Variants in UCHL3 observed in about 807,000 individuals in gnomAD.
The protein encoded by UCHL3 is ubiquitin carboxyl-terminal hydrolase isozyme L3.
Under a neutral mutation model 35.8 loss-of-function variants are expected in UCHL3, and 22 were observed. The ratio of observed to expected loss-of-function variants is 0.61; its 90% CI spans 0.44 to 0.88. The LOEUF (loss-of-function observed/expected upper bound fraction) is 0.88. UCHL3 is among the 40% of genes least tolerant of loss of function. UCHL3 has a pLI of 0.00. For missense variants in UCHL3, 229 were observed against 276.9 expected (o/e 0.83, Z 1.23); for synonymous variants, 90 against 92.8 (o/e 0.97, Z 0.17).
At chr13:75,560,905 G>T in intron 3 of UCHL3, 24 bp downstream of exon 3, 1 of 1,487,792 alleles carries the variant, frequency 6.7e-7, no homozygotes, top group East Asian at 2.6e-5. Context: ...AAAATAGAAA[G>T]TTTCTGGTAA....
intron 3 of UCHL3, among the ~76,000 whole-genome samples, chr13:75,561,961 A>T (rs11840829): frequency 6.6e-6 from 1 of 151,974 alleles, no homozygotes; most frequent in African/African-American, 2.4e-5. Context: ...ATAGATTTTG[A>T]GGCTATATCC....
At chr13:75,558,331 T>C (rs1242593705) in intron 2 of UCHL3, among the ~76,000 whole-genome samples, 4 of 152,208 alleles carry the variant, frequency 2.6e-5, no homozygotes, top group Non-Finnish European at 5.9e-5. Context: ...TTTGTACTTG[T>C]TAGCTTTGGC....
intron 6 of UCHL3, among the ~76,000 whole-genome samples, chr13:75,585,701 A>C (rs1310374997): frequency 6.6e-6 from 1 of 152,144 alleles, no homozygotes; most frequent in African/African-American, 2.4e-5. Flanking sequence ...CTATAAATTT[A>C]TAGCACATAT....
intron 6 of UCHL3, among the ~76,000 whole-genome samples, chr13:75,593,397 T>C (rs756799062): frequency 3.9e-5 from 6 of 152,208 alleles, no homozygotes; most frequent in Non-Finnish European, 5.9e-5. Flanking sequence ...TATCACTGTC[T>C]TCACATATTT....
intron 7 of UCHL3, 114 bp from the exon 8 acceptor site, chr13:75,604,655 T>G: frequency 1.5e-6 from 1 of 671,312 alleles, no homozygotes. Context: ...GATATATTAT[T>G]GAAAATGGCT....
At position 75,549,870 on chromosome 13, in the gene UCHL3, C is replaced by T. The variant is rs1593966327; in HGVS notation, c.42+8C>T. ...CTGGAGGCCAATCCCGAGGTGGGCG[C>T]GCTTCGGGGCAGCCCTGGGCCGTGG... is the stretch of plus-strand genomic sequence containing the variant. On this transcript the variant is annotated splice_region_variant and intron_variant, in intron 1 of 8. Transcript: ENST00000377595. The T allele has an allele frequency of 6.2e-7, 1 of 1,609,746 alleles. No individual in the cohort carries two copies. Among genetic ancestry groups the T allele is most frequent in the African/African-American group, 1.3e-5 (1 of 74,920 alleles).
intron 6 of UCHL3, among the ~76,000 whole-genome samples, chr13:75,593,377 G>A (rs980518603): frequency 6.6e-6 from 1 of 152,162 alleles, no homozygotes; most frequent in Non-Finnish European, 1.5e-5. Context: ...AGGAAAGTAA[G>A]GGAACTCATT....
At chr13:75,582,329 G>C (rs1304783623) in intron 6 of UCHL3, among the ~76,000 whole-genome samples, 1 of 152,110 alleles carries the variant, frequency 6.6e-6, no homozygotes, top group Non-Finnish European at 1.5e-5. Flanking sequence ...AAATTCCTCA[G>C]GTTTCTGAAA....
At chr13:75,598,980 T>C (rs183612785) in intron 7 of UCHL3, among the ~76,000 whole-genome samples, 20 of 152,314 alleles carry the variant, frequency 1.3e-4, no homozygotes, top group African/African-American at 4.8e-4. Context: ...TTATAATCCA[T>C]GATATCATGT....
At chr13:75,591,653 T>C (rs536312472) in intron 6 of UCHL3, among the ~76,000 whole-genome samples, 1 of 152,274 alleles carries the variant, frequency 6.6e-6, no homozygotes, top group East Asian at 1.9e-4. Flanking sequence ...GTAAAGAACA[T>C]GGATTCTAGA....
At chr13:75,572,028 TA>T (rs2031877309) in intron 6 of UCHL3, among the ~76,000 whole-genome samples, 4 of 66,362 alleles carry the variant, frequency 6.0e-5, no homozygotes, top group African/African-American at 3.6e-4. Flanking sequence ...GTCTTGTCTT[TA>T]CTTTTCCTTC....
At chr13:75,599,708 C>T (rs1053815409) in intron 7 of UCHL3, among the ~76,000 whole-genome samples, 2 of 152,152 alleles carry the variant, frequency 1.3e-5, no homozygotes, top group Admixed American at 6.5e-5. Flanking sequence ...CCAGCCATTT[C>T]CCCATCTCTT....
intron 6 of UCHL3, among the ~76,000 whole-genome samples, chr13:75,592,430 A>ATGTATATACG (rs1566227905): frequency 1.4e-4 from 7 of 50,802 alleles, no homozygotes; most frequent in Non-Finnish European, 1.2e-4. Context: ...ATATATATAT[A>ATGTATATACG]TATATATATA....
At chr13:75,578,466 C>T (rs1593743413) in intron 6 of UCHL3, among the ~76,000 whole-genome samples, 1 of 152,042 alleles carries the variant, frequency 6.6e-6, no homozygotes, top group Admixed American at 6.6e-5. Flanking sequence ...GTTTGAGCAC[C>T]TACTGTACTA....
At chr13:75,599,501 G>A (rs2032725843) in intron 7 of UCHL3, among the ~76,000 whole-genome samples, 1 of 152,014 alleles carries the variant, frequency 6.6e-6, no homozygotes. Flanking sequence ...AACAGCATGT[G>A]CTCACTTTGT....
At chr13:75,602,626 A>G (rs1271379724) in intron 7 of UCHL3, among the ~76,000 whole-genome samples, 1 of 152,238 alleles carries the variant, frequency 6.6e-6, no homozygotes, top group Non-Finnish European at 1.5e-5. Context: ...TTGGAACAAC[A>G]GCAAATTTTA....
At chr13:75,601,001 T>A (rs892165483) in intron 7 of UCHL3, among the ~76,000 whole-genome samples, 2 of 152,164 alleles carry the variant, frequency 1.3e-5, no homozygotes, top group Non-Finnish European at 2.9e-5. Context: ...CTTTGAGGGG[T>A]TTAAGACTTC....
rs2032331283 is a variant in UCHL3 at position 75,586,671 on chromosome 13, A to T, written c.475-8244A>T. ...TTTAAAAAATTTAATTTATACAAAG[A>T]ATGTTTTCTATTCATAGTGGAGTTA... is the stretch of plus-strand genomic sequence containing the variant. On this transcript the variant is annotated intron_variant, in intron 6 of 8. Transcript: ENST00000377595. Among the ~76,000 whole-genome samples the T allele has an allele frequency of 2.0e-5, 3 of 152,130 alleles. No individual in the cohort carries two copies. The South Asian group carries it at 6.2e-4, about 32-fold the overall frequency.
rs58733406 is a variant in UCHL3 at position 75,595,597 on chromosome 13, CAAAAAAAAA to C, written c.550+629_550+637del. 1.5e-3 allele frequency among the ~76,000 whole-genome samples: 70 copies of C among 45,654 alleles called. 1 individual carries two copies. The highest frequency in any genetic ancestry group is 2.8e-3 in the African/African-American group (20 of 7,230). The allele number at this position is 45,654 out of a possible 152,430, so 30.0% of individuals were successfully genotyped here. A position where few individuals can be genotyped will look rare whatever the true frequency, so the allele number is the denominator to read the frequency against. Reference sequence around the variant, plus strand: ...GGGCAACAGGAGTGATACTCCATCTCAAAAAAAAAAAAAAAAAAAAAAAAAAAAAAGAGC... The same window carrying C: ...GGGCAACAGGAGTGATACTCCATCTCAAAAAAAAAAAAAAAAAAAAAGAGC... On this transcript the variant is annotated intron_variant, in intron 7 of 8. Coordinates refer to ENST00000377595, the MANE Select transcript of UCHL3 (RefSeq NM_006002.5).
Sources: allele counts gnomAD v4.1 joint callset (sites outside exome capture counted in the v4.1 genomes callset), GRCh38; gene constraint gnomAD v4.1.1; transcripts MANE v1.5; gene names NCBI Gene and HGNC (gene_info 2026-07-23, HGNC 2026-07-21).